Variants in DPP6 observed in about 807,000 individuals in gnomAD.
The protein encoded by DPP6 is dipeptidyl peptidase like 6.
In DPP6, 69 loss-of-function variants were observed where a neutral mutation model predicts 122.6. The observed-to-expected ratio is 0.56, with a 90% CI of 0.46 to 0.69. DPP6 has a LOEUF of 0.69. DPP6 is among the 30% of genes least tolerant of loss of function. The pLI is 0.00. For missense variants in DPP6, 928 were observed against 1,116.9 expected (o/e 0.83, Z 2.41); for synonymous variants, 418 against 433.1 (o/e 0.97, Z 0.43).
chr7:154,388,415 A>G (rs1814311470), intron 1 of DPP6, among the ~76,000 whole-genome samples: 1 of 152,216 alleles, frequency 6.6e-6, no homozygotes, highest in African/African-American at 2.4e-5. Flanking sequence ...TCCAAATTTA[A>G]TCATCAGAAT....
chr7:154,626,121 TAGG>T (rs1835054016), intron 5 of DPP6, among the ~76,000 whole-genome samples: 1 of 152,078 alleles, frequency 6.6e-6, no homozygotes. Context: ...GAAAATTAGT[TAGG>T]AGGAAATTCT....
intron 21 of DPP6, chr7:154,883,821 T>C (rs1367391808): frequency 1.6e-5 from 2 of 124,924 alleles, no homozygotes; most frequent in Non-Finnish European, 3.3e-5. Context: ...GCTCACACAA[T>C]TACATACACC....
chr7:153,856,828 A>C, the DPP6 span, among the ~76,000 whole-genome samples: 1 of 152,202 alleles, frequency 6.6e-6, no homozygotes, highest in Non-Finnish European at 1.5e-5. Flanking sequence ...ATCCAAAATA[A>C]TAAGCAATGT....
At chr7:153,907,854 A>G (rs955553734) in intron 1 of DPP6, among the ~76,000 whole-genome samples, 1 of 152,102 alleles carries the variant, frequency 6.6e-6, no homozygotes, top group African/African-American at 2.4e-5. Flanking sequence ...TGTACGTCCT[A>G]TTCCTTCTGT....
At chr7:153,781,553 A>G in the DPP6 span, among the ~76,000 whole-genome samples, 2 of 152,288 alleles carry the variant, frequency 1.3e-5, no homozygotes, top group African/African-American at 4.8e-5. Flanking sequence ...GAGAGATGTC[A>G]GGCATAGGAG....
At chr7:154,593,071 G>A (rs1483940268) in intron 5 of DPP6, among the ~76,000 whole-genome samples, 1 of 152,206 alleles carries the variant, frequency 6.6e-6, no homozygotes, top group Non-Finnish European at 1.5e-5. Context: ...CAGGCCATCA[G>A]CTTCCCAGGC....
At chr7:154,211,405 C>T (rs1293661848) in intron 1 of DPP6, among the ~76,000 whole-genome samples, 1 of 152,138 alleles carries the variant, frequency 6.6e-6, no homozygotes. Context: ...TTCCAGCGAG[C>T]ACCCCTCACG....
At chr7:154,032,905 G>A (rs1799325972) in intron 1 of DPP6, among the ~76,000 whole-genome samples, 2 of 144,550 alleles carry the variant, frequency 1.4e-5, no homozygotes, top group Non-Finnish European at 3.0e-5. Flanking sequence ...GCCTTTTCAG[G>A]TGGCTTTATA....
chr7:154,539,645 A>AG (rs1828555815), intron 3 of DPP6, among the ~76,000 whole-genome samples: 1 of 151,954 alleles, frequency 6.6e-6, no homozygotes, highest in Non-Finnish European at 1.5e-5. Context: ...AAAAAGAAAA[A>AG]AAAAAGGCAT....
intron 1 of DPP6, among the ~76,000 whole-genome samples, chr7:154,338,894 G>T (rs1387838252): frequency 3.3e-5 from 5 of 152,196 alleles, no homozygotes; most frequent in Non-Finnish European, 7.3e-5. Context: ...GCATTGCCCT[G>T]CCCCATTCAT....
intron 1 of DPP6, among the ~76,000 whole-genome samples, chr7:153,976,082 G>T (rs1645651485): frequency 6.6e-6 from 1 of 152,184 alleles, no homozygotes; most frequent in South Asian, 2.1e-4. Flanking sequence ...GTCTTAGGCT[G>T]TGCTTGGACT....
chr7:153,930,856 G>T (rs1462828174), intron 1 of DPP6, among the ~76,000 whole-genome samples: 1 of 152,200 alleles, frequency 6.6e-6, no homozygotes, highest in East Asian at 1.9e-4. Context: ...GGCAACTGGA[G>T]GGACTGGGTT....
intron 8 of DPP6, among the ~76,000 whole-genome samples, chr7:154,768,595 G>T (rs1796049968): frequency 6.6e-6 from 1 of 152,042 alleles, no homozygotes; most frequent in Admixed American, 6.5e-5. Context: ...GTTACCCTTG[G>T]GAAGTGTATT....
the DPP6 span, among the ~76,000 whole-genome samples, chr7:153,780,976 T>TAAA: frequency 3.9e-5 from 6 of 151,920 alleles, no homozygotes; most frequent in South Asian, 1.0e-3. Flanking sequence ...ATGAATTTTT[T>TAAA]AAAAAAATGG....
chr7:153,910,170 T>C (rs1040525910), intron 1 of DPP6, among the ~76,000 whole-genome samples: 2 of 151,934 alleles, frequency 1.3e-5, no homozygotes, highest in Non-Finnish European at 2.9e-5. Context: ...CTTCCAAGAG[T>C]GGAAGGAGGC....
At chr7:153,853,873 G>T in the DPP6 span, among the ~76,000 whole-genome samples, 1 of 150,798 alleles carries the variant, frequency 6.6e-6, no homozygotes, top group East Asian at 1.9e-4. Context: ...GTCAATTTTG[G>T]CTTTTGTTGC....
intron 1 of DPP6, among the ~76,000 whole-genome samples, chr7:154,402,951 A>G (rs774656426): frequency 5.9e-5 from 9 of 152,152 alleles, no homozygotes; most frequent in Admixed American, 3.3e-4. Context: ...AAGCACATAC[A>G]TTTTGTTCAA....
intron 1 of DPP6, among the ~76,000 whole-genome samples, chr7:154,148,988 G>A (rs1196730110): frequency 2.0e-5 from 3 of 152,136 alleles, no homozygotes; most frequent in South Asian, 2.1e-4. Context: ...AGCAGATGGG[G>A]GTTTAGCTAG....
At chr7:154,610,362 C>T (rs1406771689) in intron 5 of DPP6, among the ~76,000 whole-genome samples, 1 of 151,966 alleles carries the variant, frequency 6.6e-6, no homozygotes, top group Non-Finnish European at 1.5e-5. Context: ...GGAGGCATTT[C>T]AGGTGGGAGA....
Sources: gnomAD v4.1 joint callset for allele counts (sites outside exome capture counted in the v4.1 genomes callset) on GRCh38, gnomAD v4.1.1 for gene constraint, MANE v1.5 for transcripts, NCBI Gene and HGNC (gene_info 2026-07-23, HGNC 2026-07-21) for gene names.